Variants in EIF3E observed in about 807,000 individuals in gnomAD.
EIF3E encodes the protein eukaryotic translation initiation factor 3 subunit E.
EIF3E carries 25 observed loss-of-function variants against 59.3 expected under a neutral mutation model. The ratio of observed to expected loss-of-function variants is 0.42; its 90% CI spans 0.31 to 0.59. EIF3E has a LOEUF of 0.59. Among genes scored for constraint, EIF3E ranks in the 20% least tolerant of loss-of-function variants. The pLI is 0.15. For missense variants in EIF3E, 317 were observed against 534.3 expected (o/e 0.59, Z 4.01); for synonymous variants, 176 against 170.2 (o/e 1.03, Z -0.26).
rs1360920435 is a variant in EIF3E, at chr8:108,248,711, A to G, written c.-9T>C. 1 of 1,614,028 alleles carries G rather than the reference A, an allele frequency of 6.2e-7. No individual in the cohort carries two copies. Among genetic ancestry groups the G allele is most frequent in the African/African-American group, 1.3e-5 (1 of 74,936 alleles). On this transcript the variant is annotated 5_prime_UTR_variant, in exon 1 of 13. Coordinates refer to ENST00000220849, the MANE Select transcript of EIF3E (RefSeq NM_001568.3). The stretch of plus-strand genomic sequence containing the variant: ...AAGTCGTACTCCGCCATCTTGCCAA[A>G]GAAAAGGGAGTCTGTGCTCACTAAA...
intron 11 of EIF3E, 89 bp downstream of exon 11, chr8:108,203,312 T>G: frequency 7.6e-7 from 1 of 1,324,158 alleles, no homozygotes; most frequent in East Asian, 2.3e-5. Context: ...AATAAATTAT[T>G]AAAGGAGGTA....
intron 3 of EIF3E, among the ~76,000 whole-genome samples, chr8:108,238,189 A>T (rs1220775015): frequency 6.6e-6 from 1 of 152,218 alleles, no homozygotes; most frequent in Non-Finnish European, 1.5e-5. Context: ...ATCTAAAATT[A>T]CTTCTTCTAA....
chr8:108,224,109 C>G (rs1223867003), intron 7 of EIF3E, among the ~76,000 whole-genome samples: 1 of 150,370 alleles, frequency 6.7e-6, no homozygotes, highest in Non-Finnish European at 1.5e-5. Context: ...GTAGTCCCAG[C>G]TACTCGGGAG....
At chr8:108,243,620 C>T (rs1223030415) in intron 1 of EIF3E, among the ~76,000 whole-genome samples, 6 of 116,502 alleles carry the variant, frequency 5.2e-5, no homozygotes, top group South Asian at 5.9e-4. Context: ...CAGAGCAAGA[C>T]TCTGTCTCAA....
chr8:108,217,542 T>G, intron 7 of EIF3E, 82 bp from the exon 8 acceptor site: 1 of 1,169,878 alleles, frequency 8.5e-7, no homozygotes, highest in East Asian at 2.6e-5. Flanking sequence ...TAGATTGTAC[T>G]ATTTCACTAG....
intron 2 of EIF3E, among the ~76,000 whole-genome samples, chr8:108,240,454 G>A (rs1815813577): frequency 6.6e-6 from 1 of 152,054 alleles, no homozygotes. Flanking sequence ...ATTTTCTTAG[G>A]TGAATATTAT....
chr8:108,208,438 T>C (rs1035243050), intron 10 of EIF3E, among the ~76,000 whole-genome samples: 1 of 152,116 alleles, frequency 6.6e-6, no homozygotes, highest in Non-Finnish European at 1.5e-5. Context: ...TTTAACTGTA[T>C]GATTGGGAGG....
chr8:108,204,816 TAA>T (rs1384877639), intron 10 of EIF3E, among the ~76,000 whole-genome samples: 1 of 138,176 alleles, frequency 7.2e-6, no homozygotes, highest in South Asian at 2.4e-4. Flanking sequence ...GAATTTCAGA[TAA>T]AAGAGACAGA....
intron 5 of EIF3E, among the ~76,000 whole-genome samples, chr8:108,231,097 C>T (rs185425890): frequency 2.0e-5 from 3 of 152,140 alleles, no homozygotes; most frequent in East Asian, 3.9e-4. Flanking sequence ...TGTAGCCACA[C>T]AAGTACACAA....
intron 7 of EIF3E, among the ~76,000 whole-genome samples, chr8:108,225,191 T>C (rs1815495929): frequency 6.6e-6 from 1 of 151,516 alleles, no homozygotes; most frequent in Non-Finnish European, 1.5e-5. Flanking sequence ...ACTTGGGAAT[T>C]TGCCAGACAT....
rs1815943740 is a variant in EIF3E at position 108,246,162 on chromosome 8, C to T, written c.90+2451G>A. On this transcript the variant is annotated intron_variant, in intron 1 of 12. Transcript: ENST00000220849. ...AGCAAGAGAGCGAGACAGATTTCAT[C>T]CTACTACCCAGAAGGGCGAACAATT... 1.3e-5 allele frequency among the ~76,000 whole-genome samples: 2 copies of T among 152,042 alleles called. 1 individual carries two copies. The highest frequency in any genetic ancestry group is 4.1e-4 in the South Asian group (2 of 4,830).
chr8:108,203,458 C>T lies in EIF3E; in HGVS notation c.1107G>A (p.Arg369=). 1.2e-6 allele frequency: 2 copies of T among 1,612,840 alleles called. No homozygotes were observed. Among genetic ancestry groups the T allele is most frequent in the Non-Finnish European group, 1.7e-6 (2 of 1,179,150 alleles). ...KLNMTPEEAE[R]WIVNLIRNAR... is the part of the protein sequence containing the mutation. ...CATTTCTAATCAAATTTACAATCCA[C>T]CTTTCAGCTTCTTCTGGAGTCATGT... is the stretch of plus-strand genomic sequence containing the variant. Residue 369 remains arginine, a synonymous_variant, in exon 11 of 13, where the codon AGG becomes AGA. Coordinates refer to ENST00000220849, the MANE Select transcript of EIF3E (RefSeq NM_001568.3).
chr8:108,241,750 C>T, intron 2 of EIF3E, 49 bp downstream of exon 2: 1 of 1,139,848 alleles, frequency 8.8e-7, no homozygotes, highest in Non-Finnish European at 1.2e-6. Context: ...CTTTAATACA[C>T]ACATCCTCAA....
chr8:108,242,425 A>T, intron 1 of EIF3E: 1 of 1,289,336 alleles, frequency 7.8e-7, no homozygotes, highest in Non-Finnish European at 1.0e-6. Flanking sequence ...AATTTAACCT[A>T]TAGTACAGGG....
intron 1 of EIF3E, chr8:108,242,183 TTA>T (rs1815851593): frequency 3.7e-6 from 5 of 1,338,470 alleles, no homozygotes; most frequent in Non-Finnish European, 4.9e-6. Flanking sequence ...ACCTTATTTT[TTA>T]TGTGTCCCTA....
chr8:108,241,556 T>C (rs76844156), intron 2 of EIF3E, among the ~76,000 whole-genome samples: 4,398 of 152,320 alleles, frequency 0.029, 202 homozygotes, highest in African/African-American at 0.098. Context: ...ACAACTTTGA[T>C]GATACATACT....
At chr8:108,207,341 T>C (rs1815120998) in intron 10 of EIF3E, among the ~76,000 whole-genome samples, 1 of 151,968 alleles carries the variant, frequency 6.6e-6, no homozygotes, top group African/African-American at 2.4e-5. Context: ...CTAATAGAAA[T>C]CATCAAAGTC....
At chr8:108,219,931 T>C (rs1322777126) in intron 7 of EIF3E, among the ~76,000 whole-genome samples, 1 of 152,004 alleles carries the variant, frequency 6.6e-6, no homozygotes, top group Admixed American at 6.6e-5. Flanking sequence ...TCACTTGAGG[T>C]CAGGAGTTTG....
At chr8:108,248,308 C>A (rs563693259) in intron 1 of EIF3E, among the ~76,000 whole-genome samples, 3 of 151,024 alleles carry the variant, frequency 2.0e-5, no homozygotes, top group Non-Finnish European at 4.4e-5. Flanking sequence ...CGTTCTCTAG[C>A]GAAACCAGCG....
Sources: gnomAD v4.1 joint callset for allele counts (sites outside exome capture counted in the v4.1 genomes callset) on GRCh38, gnomAD v4.1.1 for gene constraint, MANE v1.5 for transcripts, NCBI Gene and HGNC (gene_info 2026-07-23, HGNC 2026-07-21) for gene names.